NCOR2: variants seen among roughly 807,000 people sequenced by gnomAD.
NCOR2 encodes the protein CTG repeat protein 26.
In NCOR2, 81 loss-of-function variants were observed where a neutral mutation model predicts 262.9. That is an observed-to-expected ratio of 0.31 (90% CI 0.26 to 0.37). The LOEUF is 0.37. Ranked by LOEUF, NCOR2 falls within the 10% of genes least tolerant of loss-of-function variation. The probability of loss-of-function intolerance (pLI) is 1.00; values close to 1 mark genes in which losing one functional copy is unlikely to be tolerated. For synonymous variants in NCOR2, 1,659 were observed against 1,559.3 expected (o/e 1.06, Z -1.51); for missense variants, 3,385 against 3,621.4 (o/e 0.93, Z 1.68).
intron 1 of NCOR2, among the ~76,000 whole-genome samples, chr12:124,502,410 T>A (rs1245682723): frequency 6.6e-6 from 1 of 152,048 alleles, no homozygotes; most frequent in African/African-American, 2.4e-5. Context: ...GTTAGCACGA[T>A]GGAGAAAAAC....
intron 45 of NCOR2, 71 bp downstream of exon 47, chr12:124,327,338 C>T (rs1014362891): frequency 9.4e-5 from 112 of 1,194,212 alleles, no homozygotes; most frequent in Non-Finnish European, 8.7e-5. Context: ...GTCAGAGGAG[C>T]GCGGAGGAGC....
intron 13 of NCOR2, among the ~76,000 whole-genome samples, chr12:124,409,994 G>C (rs1354399036): frequency 2.6e-5 from 4 of 151,718 alleles, no homozygotes; most frequent in Admixed American, 6.6e-5. Context: ...TGTTTGTCTT[G>C]TCCACGAGGG....
intron 1 of NCOR2, among the ~76,000 whole-genome samples, chr12:124,551,313 A>G (rs924620374): frequency 2.0e-5 from 3 of 152,148 alleles, no homozygotes; most frequent in Non-Finnish European, 4.4e-5. Flanking sequence ...TTGACCTACA[A>G]AACTAGCAGT....
rs749788476 is a variant in NCOR2, at chr12:124,333,105, G to A, written c.6755+25C>T. The A allele has an allele frequency of 1.8e-5, 28 of 1,576,686 alleles. No individual in the cohort carries two copies. The South Asian group carries it at 2.8e-4, about 16-fold the overall frequency. On this transcript the variant is annotated intron_variant, in intron 42 of 46. Coordinates refer to ENST00000405201, the Ensembl canonical transcript of NCOR2. Reference sequence around the variant, plus strand: ...CAAGGGATACCAGAGCATCCCGGGGGCAGCGCATGTGCCCACAGAAGTACC... The same window carrying A: ...CAAGGGATACCAGAGCATCCCGGGGACAGCGCATGTGCCCACAGAAGTACC...
At chr12:124,468,582 AC>A (rs199888049) in intron 4 of NCOR2, among the ~76,000 whole-genome samples, 64 of 6,194 alleles carry the variant, frequency 0.01, 26 homozygotes, top group Non-Finnish European at 0.019. Context: ...CATCCTCATC[AC>A]CCCCATCACC....
chr12:124,546,813 G>A (rs185382017), intron 1 of NCOR2, among the ~76,000 whole-genome samples: 29 of 152,186 alleles, frequency 1.9e-4, no homozygotes, highest in African/African-American at 6.7e-4. Flanking sequence ...CCTCTGCCCG[G>A]GAGGACCCAC....
intron 16 of NCOR2, among the ~76,000 whole-genome samples, chr12:124,396,400 C>T (rs1439168993): frequency 6.6e-6 from 1 of 152,194 alleles, no homozygotes; most frequent in African/African-American, 2.4e-5. Flanking sequence ...TTCAATAAAG[C>T]TTCTTTTGCA....
rs1593820023 is a variant in NCOR2, at chr12:124,495,078, T to G, written c.105+69A>C. The G allele has an allele frequency of 1.3e-6, 2 of 1,563,260 alleles. No individual in the cohort carries two copies. On this transcript the variant is annotated intron_variant, in intron 1 of 46. Coordinates refer to ENST00000405201, the Ensembl canonical transcript of NCOR2. The surrounding 1 kb of genome is among the most constrained non-coding windows in gnomAD (Gnocchi z 4.4). ...CTGGCTCCCAGGAGAAAGGAAGGGGTGAAGACTCAGTGGAATGGAAGAAGG... is the reference window on the plus strand; with the variant it reads ...CTGGCTCCCAGGAGAAAGGAAGGGGGGAAGACTCAGTGGAATGGAAGAAGG...
intron 9 of NCOR2, 106 bp from the exon 12 acceptor site, chr12:124,429,812 G>A (rs1341762847): frequency 5.4e-6 from 6 of 1,103,496 alleles, no homozygotes; most frequent in Middle Eastern, 2.6e-4. Flanking sequence ...GAGGAGAAGT[G>A]TGGGCAGCGG....
At chr12:124,562,281 C>G (rs73427639) in intron 1 of NCOR2, 1 of 152,216 alleles carries the variant, frequency 6.6e-6, no homozygotes, top group Non-Finnish European at 1.5e-5. Context: ...CACGGGACAG[C>G]GCAGCCGTAT....
At chr12:124,376,299 C>T (rs1044134847) in intron 18 of NCOR2, among the ~76,000 whole-genome samples, 5 of 152,348 alleles carry the variant, frequency 3.3e-5, no homozygotes, top group Non-Finnish European at 2.9e-5. Context: ...GCTCTGCAAG[C>T]GATGCGGGGG....
At chr12:124,384,551 G>A (rs978312833) in intron 17 of NCOR2, among the ~76,000 whole-genome samples, 20 of 152,172 alleles carry the variant, frequency 1.3e-4, no homozygotes, top group African/African-American at 3.4e-4. Context: ...CAGCGGCCGC[G>A]CGCACACATG....
exon 24 of NCOR2, chr12:124,355,537 G>A (rs760114424): frequency 1.3e-6 from 2 of 1,594,086 alleles, no homozygotes; most frequent in African/African-American, 1.3e-5. Context: ...GGACGGGCCG[G>A]GCAGTGTCAT....
At chr12:124,474,934 G>A (rs891976641) in intron 3 of NCOR2, among the ~76,000 whole-genome samples, 1 of 152,018 alleles carries the variant, frequency 6.6e-6, no homozygotes, top group Non-Finnish European at 1.5e-5. Context: ...TTATTCTCCG[G>A]ACAACTGCAG....
At chr12:124,398,642 C>T (rs1332397641) in intron 15 of NCOR2, among the ~76,000 whole-genome samples, 4 of 152,228 alleles carry the variant, frequency 2.6e-5, no homozygotes, top group African/African-American at 9.6e-5. Context: ...CGGAGCCCAG[C>T]TCTTCTATTA....
chr12:124,563,267 G>A (rs1261465180), intron 1 of NCOR2, among the ~76,000 whole-genome samples: 1 of 152,172 alleles, frequency 6.6e-6, no homozygotes, highest in Non-Finnish European at 1.5e-5. Flanking sequence ...TCTAATATCT[G>A]GTTAGGACAA....
At chr12:124,372,504 G>A (rs747356962) in exon 20 of NCOR2, 35 of 1,587,944 alleles carry the variant, frequency 2.2e-5, no homozygotes, top group East Asian at 1.8e-4. Context: ...GTGGCCCGTC[G>A]GCGCCCAGGG....
chr12:124,518,257 A>G (rs2049948491), intron 1 of NCOR2: 1 of 152,456 alleles, frequency 6.6e-6, no homozygotes, highest in African/African-American at 2.4e-5. Context: ...CAGAGTCCAC[A>G]CACACAGGCT....
upstream of NCOR2, among the ~76,000 whole-genome samples, chr12:124,498,975 G>C (rs76684098): frequency 1.9e-4 from 29 of 152,372 alleles, no homozygotes; most frequent in East Asian, 4.6e-3. Flanking sequence ...GCTACCAGGA[G>C]GGCAGGGTGA....
Sources: allele counts gnomAD v4.1 joint callset (sites outside exome capture counted in the v4.1 genomes callset), GRCh38; gene constraint gnomAD v4.1.1; non-coding constraint Gnocchi (gnomAD v3.1); transcripts MANE v1.5; gene names NCBI Gene and HGNC (gene_info 2026-07-23, HGNC 2026-07-21).